The following COX7A2L variants were observed in gnomAD, a reference collection of about 807,000 sequenced individuals.
COX7A2L encodes the protein cytochrome c oxidase subunit 7A2-like, mitochondrial.
COX7A2L carries 18 observed loss-of-function variants against 14.2 expected under a neutral mutation model. That is an observed-to-expected ratio of 1.27 (90% CI 0.88 to 1.88). The LOEUF (loss-of-function observed/expected upper bound fraction) is 1.88, where lower values mean the gene tolerates loss of function less well. Ranked by LOEUF, COX7A2L falls within the 40% of genes most tolerant of loss-of-function variation. The probability of loss-of-function intolerance (pLI) is 0.00; values close to 1 mark genes in which losing one functional copy is unlikely to be tolerated. For synonymous variants in COX7A2L, 65 were observed against 57.4 expected (o/e 1.13, Z -0.60); for missense variants, 179 against 138.8 (o/e 1.29, Z -1.46).
At chr2:42,356,281 T>G (rs1042186345) in intron 1 of COX7A2L, among the ~76,000 whole-genome samples, 1 of 152,176 alleles carries the variant, frequency 6.6e-6, no homozygotes, top group African/African-American at 2.4e-5. Context: ...TCCTCCCCCT[T>G]GCCCTACTAA....
chr2:42,364,777 C>A (rs1671127650), upstream of COX7A2L, among the ~76,000 whole-genome samples: 1 of 152,160 alleles, frequency 6.6e-6, no homozygotes, highest in Non-Finnish European at 1.5e-5. Flanking sequence ...CTGAATGGCT[C>A]ATTTCTCACC....
downstream of COX7A2L, among the ~76,000 whole-genome samples, chr2:42,345,484 A>AC (rs374638195): frequency 0.042 from 6,367 of 151,900 alleles, 395 homozygotes; most frequent in African/African-American, 0.14. Context: ...AAAAAAAAAA[A>AC]CTGTCAGTCA....
chr2:42,361,908 A>G (rs1671066144), upstream of COX7A2L: 1 of 152,210 alleles, frequency 6.6e-6, no homozygotes, highest in African/African-American at 2.4e-5. Context: ...TTTAGTACCC[A>G]GGGCTGTTGG....
At chr2:42,335,870 G>C (rs1472414097) in intron 2 of COX7A2L, among the ~76,000 whole-genome samples, 1 of 152,206 alleles carries the variant, frequency 6.6e-6, no homozygotes, top group Non-Finnish European at 1.5e-5. Context: ...AAGAGGTGAA[G>C]GGGGGATTAT....
upstream of COX7A2L, among the ~76,000 whole-genome samples, chr2:42,364,397 A>G (rs2103920011): frequency 6.6e-6 from 1 of 152,296 alleles, no homozygotes; most frequent in South Asian, 2.1e-4. Flanking sequence ...AATGGAACAT[A>G]CATAGTGCAA....
chr2:42,336,039 T>A (rs567392191), intron 2 of COX7A2L, among the ~76,000 whole-genome samples: 1 of 152,370 alleles, frequency 6.6e-6, no homozygotes, highest in East Asian at 1.9e-4. Context: ...AATTTAAACC[T>A]ATTGGTGTGA....
At chr2:42,351,465 CAT>C in intron 2 of COX7A2L, 106 bp from the exon 3 acceptor site, 2 of 1,288,310 alleles carry the variant, frequency 1.6e-6, no homozygotes, top group South Asian at 3.0e-5. Flanking sequence ...TTCATCAACA[CAT>C]GACAGTGGGA....
intron 1 of COX7A2L, among the ~76,000 whole-genome samples, chr2:42,358,606 T>G (rs1558635323): frequency 6.6e-6 from 1 of 152,222 alleles, no homozygotes. Context: ...ACAGTATCAC[T>G]TCTTTTCAAC....
chr2:42,347,163 C>T (rs1670514417), downstream of COX7A2L, among the ~76,000 whole-genome samples: 1 of 152,132 alleles, frequency 6.6e-6, no homozygotes, highest in Admixed American at 6.5e-5. Context: ...TGGCGCCCGG[C>T]CTAGTAAGGC....
downstream of COX7A2L, among the ~76,000 whole-genome samples, chr2:42,344,457 C>A (rs1408307836): frequency 6.6e-6 from 1 of 152,160 alleles, no homozygotes; most frequent in Non-Finnish European, 1.5e-5. Context: ...TTCCTGTGAC[C>A]ATAAACTCTA....
Position 42,351,315 on chromosome 2 carries a change from G to C in COX7A2L, c.249C>G (p.Asp83Glu), listed in dbSNP as rs1670637923. Residue 83 changes from aspartate to glutamate, a missense_variant, in exon 3 of 3, where the codon GAC becomes GAG. Coordinates refer to ENST00000234301, the MANE Select transcript of COX7A2L (RefSeq NM_004718.4). Reference sequence around the variant, plus strand: ...CCATGGTGGTCCGGTAAAGCATTTGGTCAGGCAGGCCTCGTTTCAGGTAGA... The same window carrying C: ...CCATGGTGGTCCGGTAAAGCATTTGCTCAGGCAGGCCTCGTTTCAGGTAGA... ...VPVYLKRGLP[D>E]QMLYRTTMAL... 1 of 1,614,160 alleles carries C rather than the reference G, an allele frequency of 6.2e-7. No homozygotes were observed. Among genetic ancestry groups the C allele is most frequent in the Non-Finnish European group, 8.5e-7 (1 of 1,180,038 alleles).
At chr2:42,365,895 T>G (rs560241507), upstream of COX7A2L, 9 of 152,118 alleles carry the variant, frequency 5.9e-5, no homozygotes, top group Non-Finnish European at 1.0e-4. Context: ...AAAGAATGAA[T>G]GAATGAACAA....
At chr2:42,345,355 C>T (rs1238198368), downstream of COX7A2L, among the ~76,000 whole-genome samples, 1 of 152,102 alleles carries the variant, frequency 6.6e-6, no homozygotes, top group African/African-American at 2.4e-5. Context: ...TGCACTCCAG[C>T]CTGGGTGACA....
Position 42,337,575 on chromosome 2 carries a change from C to T in COX7A2L, c.193-3706G>A, listed in dbSNP as rs375907794. ...GTGGGGTCAAATTCCATAGAGTGCA[C>T]GCTGAACTGCTGAAAACCAAGGAAG... On this transcript the variant is annotated intron_variant, in intron 2 of 2. Transcript: ENST00000468711. 2.0e-4 allele frequency among the ~76,000 whole-genome samples: 31 copies of T among 152,218 alleles called. No homozygotes were observed. In the South Asian group the frequency reaches 3.1e-3, roughly 15 times the overall value.
intron 2 of COX7A2L, among the ~76,000 whole-genome samples, chr2:42,341,762 C>A (rs1021272786): frequency 1.4e-4 from 21 of 152,224 alleles, no homozygotes; most frequent in African/African-American, 5.1e-4. Flanking sequence ...TAATTTAATG[C>A]TAGTTCATGA....
chr2:42,356,636 A>T (rs1359298968), intron 1 of COX7A2L, among the ~76,000 whole-genome samples: 1 of 152,226 alleles, frequency 6.6e-6, no homozygotes, highest in African/African-American at 2.4e-5. Context: ...TTCTTATAAA[A>T]AGTGGACAGG....
At chr2:42,348,626 C>G (rs762771524), downstream of COX7A2L, among the ~76,000 whole-genome samples, 3 of 152,118 alleles carry the variant, frequency 2.0e-5, no homozygotes, top group Admixed American at 1.3e-4. Flanking sequence ...AGAGACTAAA[C>G]AGTCACAACA....
Position 42,360,634 on chromosome 2 carries a change from C to A in COX7A2L, c.72+456G>T, listed in dbSNP as rs116437665. Among the ~76,000 whole-genome samples the A allele has an allele frequency of 9.5e-3, 1,444 of 152,292 alleles. 27 individuals are homozygous for A. Among genetic ancestry groups the A allele is most frequent in the African/African-American group, 0.032 (1,345 of 41,558 alleles). ...ATCATAGCCCCCCAACCCCCTGCAC[C>A]ATGGTTTCTCTAAACGCCTTTATAG... On this transcript the variant is annotated intron_variant, in intron 1 of 2. Transcript: ENST00000234301.
At chr2:42,346,338 G>T (rs193173624), downstream of COX7A2L, among the ~76,000 whole-genome samples, 1 of 152,170 alleles carries the variant, frequency 6.6e-6, no homozygotes, top group East Asian at 1.9e-4. Context: ...GCCCAGCTTC[G>T]CTCAGGTTCT....
Sources: gnomAD v4.1 joint callset for allele counts (sites outside exome capture counted in the v4.1 genomes callset) on GRCh38, gnomAD v4.1.1 for gene constraint, MANE v1.5 for transcripts, NCBI Gene and HGNC (gene_info 2026-07-23, HGNC 2026-07-21) for gene names.